Variants in CTNNA3 observed in about 807,000 individuals in gnomAD.
CTNNA3 encodes catenin alpha-3.
A neutral mutation model predicts 95.7 loss-of-function variants in CTNNA3; 76 were observed. That is an observed-to-expected ratio of 0.79 (90% CI 0.66 to 0.96). The LOEUF is 0.96. Among genes scored for constraint, CTNNA3 ranks in the 40% least tolerant of loss-of-function variants. The pLI is 0.00. For missense variants in CTNNA3, 1,191 were observed against 1,089.8 expected (o/e 1.09, Z -1.31); for synonymous variants, 431 against 374.4 (o/e 1.15, Z -1.74).
At chr10:66,716,676 A>C (rs1044364415) in intron 9 of CTNNA3, among the ~76,000 whole-genome samples, 1 of 152,170 alleles carries the variant, frequency 6.6e-6, no homozygotes, top group Non-Finnish European at 1.5e-5. Flanking sequence ...GCCCAGGACA[A>C]AGACCTTTCT....
chr10:67,109,984 TGA>T (rs1356470547), intron 7 of CTNNA3, among the ~76,000 whole-genome samples: 4 of 152,232 alleles, frequency 2.6e-5, no homozygotes, highest in Admixed American at 6.5e-5. Flanking sequence ...AAAATACTCT[TGA>T]GAATTATGAA....
intron 5 of CTNNA3, among the ~76,000 whole-genome samples, chr10:67,455,698 C>A (rs140941505): frequency 1.3e-5 from 2 of 152,216 alleles, no homozygotes; most frequent in Non-Finnish European, 2.9e-5. Context: ...TCAGACAAAT[C>A]CCATTTAAGG....
intron 1 of CTNNA3, among the ~76,000 whole-genome samples, chr10:67,690,451 CTGCTGATTGGTCCATTTTACAGAG>C (rs1200080542): frequency 2.0e-5 from 3 of 152,172 alleles, no homozygotes; most frequent in Non-Finnish European, 4.4e-5. Flanking sequence ...CCACCATGTC[CTGCTGATTGGTCCATTTTACAGAG>C]TGCTGATTGG....
chr10:67,347,142 C>T (rs1368716148), intron 5 of CTNNA3, among the ~76,000 whole-genome samples: 1 of 151,774 alleles, frequency 6.6e-6, no homozygotes, highest in Non-Finnish European at 1.5e-5. Context: ...TTCTGCTTCC[C>T]AGGCTCAAGC....
intron 3 of CTNNA3, among the ~76,000 whole-genome samples, chr10:67,565,639 AT>A (rs536206093): frequency 6.2e-5 from 9 of 145,074 alleles, no homozygotes; most frequent in Non-Finnish European, 1.1e-4. Flanking sequence ...AATAGCTATT[AT>A]TTTTTTTCCC....
chr10:67,015,713 CT>C (rs1340644822), intron 7 of CTNNA3, among the ~76,000 whole-genome samples: 2 of 151,628 alleles, frequency 1.3e-5, no homozygotes, highest in Non-Finnish European at 2.9e-5. Flanking sequence ...CAATTTTCTT[CT>C]TTTTATTTTT....
chr10:67,761,857 G>C (rs1306350026), intron 1 of CTNNA3, among the ~76,000 whole-genome samples: 2 of 147,098 alleles, frequency 1.4e-5, no homozygotes, highest in Non-Finnish European at 3.0e-5. Context: ...TAGCCTGGGC[G>C]ACAGAGCAAG....
intron 10 of CTNNA3, among the ~76,000 whole-genome samples, chr10:66,573,113 A>G (rs1336609741): frequency 1.3e-5 from 2 of 152,180 alleles, no homozygotes; most frequent in Non-Finnish European, 2.9e-5. Context: ...TTTAAAGAAA[A>G]CAGAATTATT....
chr10:66,073,275 C>A (rs988308623), intron 14 of CTNNA3, among the ~76,000 whole-genome samples: 5 of 152,106 alleles, frequency 3.3e-5, no homozygotes, highest in African/African-American at 1.2e-4. Context: ...GTAAAGTGTT[C>A]TCACCACAAA....
intron 7 of CTNNA3, among the ~76,000 whole-genome samples, chr10:67,017,393 T>C (rs766838528): frequency 6.6e-5 from 10 of 152,194 alleles, no homozygotes; most frequent in Non-Finnish European, 1.2e-4. Flanking sequence ...CCACATCCTG[T>C]TGCTCTGGAA....
rs114408516 is a variant in CTNNA3 at position 66,091,694 on chromosome 10, C to T, written c.1977+11463G>A. Among the ~76,000 whole-genome samples, 526 of 151,784 alleles carry T rather than the reference C, an allele frequency of 3.5e-3. 3 individuals are homozygous for T. Among genetic ancestry groups the T allele is most frequent in the African/African-American group, 0.012 (502 of 41,456 alleles). Reference sequence around the variant, plus strand: ...GTTATAAGAGAGTTGGAAATGGAGTCACAGTTTTAAGTCAGTGGTTAGTGG... The same window carrying T: ...GTTATAAGAGAGTTGGAAATGGAGTTACAGTTTTAAGTCAGTGGTTAGTGG... On this transcript the variant is annotated intron_variant, in intron 14 of 17. Coordinates refer to ENST00000433211, the MANE Select transcript of CTNNA3 (RefSeq NM_013266.4).
rs544273128 is a variant in CTNNA3, at chr10:67,017,037, G to A, written c.1047+163280C>T. Reference sequence around the variant, plus strand: ...GACACTTGGCTAGGTGCAGGTGTCTGTACAAAAATTAATGAGCCAAGATCT... The same window carrying A: ...GACACTTGGCTAGGTGCAGGTGTCTATACAAAAATTAATGAGCCAAGATCT... On this transcript the variant is annotated intron_variant, in intron 7 of 17. Transcript: ENST00000433211. Among the ~76,000 whole-genome samples the A allele has an allele frequency of 2.0e-4, 31 of 152,220 alleles. 1 individual carries two copies. The highest frequency in any genetic ancestry group is 3.4e-3 in the Middle Eastern group (1 of 294).
intron 13 of CTNNA3, among the ~76,000 whole-genome samples, chr10:66,249,600 A>T (rs1286639327): frequency 6.6e-6 from 1 of 152,210 alleles, no homozygotes; most frequent in African/African-American, 2.4e-5. Flanking sequence ...CCCCAGTTAA[A>T]ATGGCTTTTA....
chr10:66,040,732 G>A (rs915193329), intron 15 of CTNNA3, among the ~76,000 whole-genome samples: 2 of 152,078 alleles, frequency 1.3e-5, no homozygotes, highest in Non-Finnish European at 2.9e-5. Context: ...CTGGAGGGTG[G>A]AGGTTGGGAG....
intron 1 of CTNNA3, among the ~76,000 whole-genome samples, chr10:67,718,067 T>A (rs1396945523): frequency 6.6e-6 from 1 of 152,208 alleles, no homozygotes; most frequent in Non-Finnish European, 1.5e-5. Flanking sequence ...AGATATTTCA[T>A]TCAATTTGTA....
chr10:67,373,002 G>T (rs1371105651), intron 5 of CTNNA3, among the ~76,000 whole-genome samples: 2 of 152,134 alleles, frequency 1.3e-5, no homozygotes, highest in Non-Finnish European at 2.9e-5. Context: ...GGAACAACCG[G>T]TACCAGCCAC....
At chr10:66,685,837 A>G (rs998648401) in intron 9 of CTNNA3, among the ~76,000 whole-genome samples, 3 of 152,088 alleles carry the variant, frequency 2.0e-5, no homozygotes, top group African/African-American at 7.2e-5. Flanking sequence ...TTGTCTCCTC[A>G]TCTTGGCACT....
intron 13 of CTNNA3, among the ~76,000 whole-genome samples, chr10:66,166,359 T>C (rs929181892): frequency 7.2e-5 from 11 of 151,888 alleles, no homozygotes; most frequent in Non-Finnish European, 1.5e-5. Flanking sequence ...CAAGGCATAG[T>C]GATGGGCACC....
At chr10:66,786,946 G>A (rs1840770894) in intron 7 of CTNNA3, among the ~76,000 whole-genome samples, 1 of 152,180 alleles carries the variant, frequency 6.6e-6, no homozygotes, top group Non-Finnish European at 1.5e-5. Context: ...CTTACTCAGA[G>A]CCCTGATCAC....
Sources: gnomAD v4.1 joint callset for allele counts (sites outside exome capture counted in the v4.1 genomes callset) on GRCh38, gnomAD v4.1.1 for gene constraint, MANE v1.5 for transcripts, NCBI Gene and HGNC (gene_info 2026-07-23, HGNC 2026-07-21) for gene names.